XIRP2: variants seen among roughly 807,000 people sequenced by gnomAD.
XIRP2 encodes xin actin-binding repeat-containing protein 2.
A neutral mutation model predicts 277.0 loss-of-function variants in XIRP2; 236 were observed. That is an observed-to-expected ratio of 0.85 (90% CI 0.77 to 0.95). The LOEUF (loss-of-function observed/expected upper bound fraction) is 0.95. Ranked by LOEUF, XIRP2 falls within the 40% of genes least tolerant of loss-of-function variation. The probability of loss-of-function intolerance (pLI) is 0.00; values close to 1 mark genes in which losing one functional copy is unlikely to be tolerated. For missense variants in XIRP2, 4,640 were observed against 4,157.5 expected (o/e 1.12, Z -3.19); for synonymous variants, 1,490 against 1,416.5 (o/e 1.05, Z -1.17).
intron 2 of XIRP2, among the ~76,000 whole-genome samples, chr2:167,078,932 G>A (rs1232642980): frequency 6.6e-6 from 1 of 151,518 alleles, no homozygotes; most frequent in Non-Finnish European, 1.5e-5. Flanking sequence ...TCCTTGTCTT[G>A]TTCCAGTTCT....
chr2:167,021,022 A>G (rs1687966856), intron 2 of XIRP2, among the ~76,000 whole-genome samples: 1 of 152,054 alleles, frequency 6.6e-6, no homozygotes, highest in Non-Finnish European at 1.5e-5. Flanking sequence ...AGTTCTACAT[A>G]TAATTCTTCT....
chr2:167,232,069 A>G (rs1694774534), intron 5 of XIRP2, among the ~76,000 whole-genome samples: 1 of 152,048 alleles, frequency 6.6e-6, no homozygotes, highest in African/African-American at 2.4e-5. Context: ...TTTTCTGTTT[A>G]AATCAGTCAG....
At position 167,017,323 on chromosome 2, in the gene XIRP2, C is replaced by A. The variant is rs187662520; in HGVS notation, c.408+113433C>A. Among the ~76,000 whole-genome samples, 53 of 151,996 alleles carry A rather than the reference C, an allele frequency of 3.5e-4. No individual in the cohort carries two copies. In the East Asian group the frequency reaches 9.0e-3, roughly 26 times the overall value. ...CTTGGTGATTTATGTGGTTGCATAA[C>A]TAAAAATTTTTATTTCTGAGAGTCT... is the stretch of plus-strand genomic sequence containing the variant. On this transcript the variant is annotated intron_variant, in intron 2 of 10. Coordinates refer to ENST00000409195, the MANE Select transcript of XIRP2 (RefSeq NM_152381.6).
chr2:166,988,523 C>T (rs1259493851), intron 2 of XIRP2, among the ~76,000 whole-genome samples: 1 of 134,096 alleles, frequency 7.5e-6, no homozygotes, highest in African/African-American at 3.0e-5. Flanking sequence ...ACGCAGAAGA[C>T]AGGTGATTTC....
In XIRP2 at chr2:167,184,559, C is replaced by T; in HGVS notation, c.563-26176C>T. On this transcript the variant is annotated intron_variant, in intron 3 of 10. Transcript: ENST00000409195. ...TCCAGCAGCAGTGTTCTCCACGGAC[C>T]AAGCCCAGATTCTCAGGCTCCACCT... The T allele has an allele frequency of 5.6e-6, 4 of 717,238 alleles. No individual in the cohort carries two copies. In the Admixed American group the frequency reaches 6.0e-5, roughly 11 times the overall value. The allele number at this position is 717,238 out of a possible 1,614,324, so 44.4% of individuals were successfully genotyped here.
At position 167,201,251 on chromosome 2, in the gene XIRP2, A is replaced by AG. The variant is rs1491363565; in HGVS notation, c.563-9484_563-9483insG. On this transcript the variant is annotated intron_variant, in intron 3 of 10. Coordinates refer to ENST00000409195, the MANE Select transcript of XIRP2 (RefSeq NM_152381.6). ...GAAAGAAAGAAAGAAAGAAAGAAAGAAAGAAAGAAAGAGAGAGGGAGAAAG... is the reference window on the plus strand; with the variant it reads ...GAAAGAAAGAAAGAAAGAAAGAAAGAGAAGAAAGAAAGAGAGAGGGAGAAAG... Among the ~76,000 whole-genome samples the AG allele has an allele frequency of 8.5e-4, 108 of 127,678 alleles. 1 individual carries two copies. Among genetic ancestry groups the AG allele is most frequent in the African/African-American group, 3.0e-3 (89 of 29,358 alleles). 83.8% of individuals were successfully genotyped at this position (127,678 alleles called of 152,430 possible). A position where few individuals can be genotyped will look rare whatever the true frequency, so the allele number is the denominator to read the frequency against.
intron 2 of XIRP2, among the ~76,000 whole-genome samples, chr2:167,104,657 G>A (rs997132425): frequency 6.6e-6 from 1 of 151,956 alleles, no homozygotes; most frequent in Non-Finnish European, 1.5e-5. Flanking sequence ...TAAATATTGT[G>A]TTTTCATAGC....
intron 2 of XIRP2, among the ~76,000 whole-genome samples, chr2:167,010,528 G>T (rs1195660932): frequency 6.6e-6 from 1 of 152,000 alleles, no homozygotes; most frequent in Non-Finnish European, 1.5e-5. Context: ...TGTTCTTTTG[G>T]CTTAGGATTG....
chr2:167,250,318 T>C lies in XIRP2; in HGVS notation c.8926T>C (p.Phe2976Leu), dbSNP rs1385096411. 1 of 1,613,400 alleles carries C rather than the reference T, an allele frequency of 6.2e-7. No individual in the cohort carries two copies. The highest frequency in any genetic ancestry group is 1.3e-5 in the African/African-American group (1 of 74,942). The change falls in exon 9 of 11, where the codon TTT becomes CTT. Residue 2976 changes from phenylalanine to leucine, a missense_variant. Coordinates refer to ENST00000409195, the MANE Select transcript of XIRP2 (RefSeq NM_152381.6). ...AEPNKSGLKT[F>L]QTLLNTIPGW... is the part of the protein sequence containing the mutation. ...GCCAAATAAAAGTGGCCTTAAAACA[T>C]TTCAGACACTATTAAATACTATCCC...
chr2:167,053,854 A>T (rs1321204873), intron 2 of XIRP2, among the ~76,000 whole-genome samples: 1 of 152,238 alleles, frequency 6.6e-6, no homozygotes, highest in Non-Finnish European at 1.5e-5. Context: ...TGATAATTAA[A>T]AATTTGAGAG....
rs190219993 is a variant in XIRP2 at position 166,910,120 on chromosome 2, G to A, written c.408+6230G>A. ...AGACTTTGGTATCGCGATGATGCTG[G>A]CCTCATGAAATGAGTTAGGGAGGAT... is the stretch of plus-strand genomic sequence containing the variant. On this transcript the variant is annotated intron_variant, in intron 2 of 10. Transcript: ENST00000409195. 1.6e-4 allele frequency among the ~76,000 whole-genome samples: 24 copies of A among 152,260 alleles called. 1 individual carries two copies. Among genetic ancestry groups the A allele is most frequent in the South Asian group, 4.1e-4 (2 of 4,824 alleles).
chr2:166,967,525 T>C (rs1222401013), intron 2 of XIRP2, among the ~76,000 whole-genome samples: 1 of 151,902 alleles, frequency 6.6e-6, no homozygotes, highest in Non-Finnish European at 1.5e-5. Flanking sequence ...TACCATTTTC[T>C]CTAGGATGTT....
rs1478968831 is a variant in XIRP2 at position 166,994,591 on chromosome 2, A to G, written c.408+90701A>G. ...CTTCTGGATGTCTTCAAATTACAAT[A>G]TGGTAGGACAGCAATGATGTTAATG... is the stretch of plus-strand genomic sequence containing the variant. On this transcript the variant is annotated intron_variant, in intron 2 of 10. Coordinates refer to ENST00000409195, the MANE Select transcript of XIRP2 (RefSeq NM_152381.6). 3.4e-5 allele frequency among the ~76,000 whole-genome samples: 5 copies of G among 148,716 alleles called. No individual in the cohort carries two copies. In the East Asian group the frequency reaches 8.9e-4, roughly 26 times the overall value.
rs777728863 is a variant in XIRP2 at position 167,247,863 on chromosome 2, A to G, written c.6471A>G (p.Gln2157=). Residue 2157 remains glutamine (Q), a synonymous_variant, in exon 9 of 11, where the codon CAA becomes CAG. Transcript: ENST00000409195. ...ATATTAAAATATTAACTGATACACA[A>G]AGCTCCAAGCCCAGTCCCACCCAGC... The part of the protein sequence containing the change: ...TKNIKILTDT[Q]SSKPSPTQHP... 2 of 1,613,608 alleles carry G rather than the reference A, an allele frequency of 1.2e-6. No homozygotes were observed. Among genetic ancestry groups the G allele is most frequent in the Admixed American group, 1.7e-5 (1 of 59,956 alleles).
chr2:166,985,088 C>A (rs963169503), intron 2 of XIRP2, among the ~76,000 whole-genome samples: 1 of 152,166 alleles, frequency 6.6e-6, no homozygotes, highest in Non-Finnish European at 1.5e-5. Context: ...TTTGTTTCCA[C>A]AACATCCTGC....
chr2:166,927,137 T>C (rs1281981785), intron 2 of XIRP2, among the ~76,000 whole-genome samples: 1 of 152,136 alleles, frequency 6.6e-6, no homozygotes, highest in Non-Finnish European at 1.5e-5. Context: ...TTTACTGGTA[T>C]AGATTTTCAT....
At chr2:167,239,488 T>C (rs1015004677) in intron 5 of XIRP2, among the ~76,000 whole-genome samples, 5 of 152,184 alleles carry the variant, frequency 3.3e-5, no homozygotes, top group Admixed American at 1.3e-4. Context: ...TAGATGGCAG[T>C]GTGAGAAGTT....
chr2:167,133,764 C>T (rs1051140393), intron 2 of XIRP2, among the ~76,000 whole-genome samples: 5 of 152,250 alleles, frequency 3.3e-5, no homozygotes, highest in East Asian at 3.9e-4. Context: ...AGCAAACATA[C>T]TGCGTTCATG....
chr2:166,939,442 A>G (rs2105379415), intron 2 of XIRP2, among the ~76,000 whole-genome samples: 1 of 152,144 alleles, frequency 6.6e-6, no homozygotes, highest in African/African-American at 2.4e-5. Flanking sequence ...GCACTTTGGG[A>G]GGCTGAGGCG....
Sources: allele counts gnomAD v4.1 joint callset (sites outside exome capture counted in the v4.1 genomes callset), GRCh38; gene constraint gnomAD v4.1.1; transcripts MANE v1.5; gene names NCBI Gene and HGNC (gene_info 2026-07-23, HGNC 2026-07-21).